Variants in ERCC6L2 observed in about 807,000 individuals in gnomAD.
ERCC6L2 encodes ERCC excision repair 6 like 2.
Under a neutral mutation model 132.0 loss-of-function variants are expected in ERCC6L2, and 77 were observed. The observed-to-expected ratio is 0.58, with a 90% CI of 0.49 to 0.71. The LOEUF (loss-of-function observed/expected upper bound fraction) is 0.71, where lower values mean the gene tolerates loss of function less well. ERCC6L2 is among the 30% of genes least tolerant of loss of function. The probability of loss-of-function intolerance (pLI) is 0.00; values close to 1 mark genes in which losing one functional copy is unlikely to be tolerated. For missense variants in ERCC6L2, 1,542 were observed against 1,837.6 expected, an observed-to-expected ratio of 0.84 and a Z score of 2.94; for synonymous variants, 583 against 632.4, an observed-to-expected ratio of 0.92 and a Z score of 1.17.
chr9:95,876,199 C>T (rs1276213427), intron 1 of ERCC6L2, 115 bp downstream of exon 1: 5 of 955,076 alleles, frequency 5.2e-6, no homozygotes, highest in African/African-American at 3.3e-5. Flanking sequence ...TCTTCAGTGA[C>T]AGCTGCAGAT....
chr9:95,922,465 AT>A, intron 8 of ERCC6L2, 47 bp downstream of exon 8: 1 of 1,120,980 alleles, frequency 8.9e-7, no homozygotes, highest in Non-Finnish European at 1.3e-6. Context: ...TGTTGTGAAT[AT>A]TTTATAAAGT....
intron 12 of ERCC6L2, among the ~76,000 whole-genome samples, chr9:95,952,171 A>AAAAAAAAAAAT (rs1005841095): frequency 1.3e-5 from 2 of 148,970 alleles, no homozygotes; most frequent in African/African-American, 4.9e-5. Context: ...CATCTTAAAA[A>AAAAAAAAAAAT]AAAAAAAAAA....
At chr9:96,018,674 T>TG (rs1186873556), downstream of ERCC6L2, among the ~76,000 whole-genome samples, 3 of 151,948 alleles carry the variant, frequency 2.0e-5, no homozygotes, top group Non-Finnish European at 4.4e-5. Flanking sequence ...TTCGCCATGT[T>TG]GCCCAGGTCT....
intron 19 of ERCC6L2, among the ~76,000 whole-genome samples, chr9:96,029,114 C>A (rs1017069955): frequency 6.6e-6 from 1 of 151,824 alleles, no homozygotes; most frequent in Non-Finnish European, 1.5e-5. Context: ...ACCATCCTGG[C>A]TAACATGGTG....
chr9:95,966,149 A>AT (rs1293563350), intron 13 of ERCC6L2, among the ~76,000 whole-genome samples: 2 of 152,170 alleles, frequency 1.3e-5, no homozygotes, highest in Non-Finnish European at 2.9e-5. Flanking sequence ...GGTGGTTATC[A>AT]TATCATTACT....
chr9:95,935,670 G>A (rs1299886900), intron 11 of ERCC6L2, among the ~76,000 whole-genome samples: 1 of 152,108 alleles, frequency 6.6e-6, no homozygotes, highest in Non-Finnish European at 1.5e-5. Context: ...AAAATTGTAT[G>A]AAAGCAACTT....
At chr9:95,985,911 C>T (rs986208788) in intron 17 of ERCC6L2, among the ~76,000 whole-genome samples, 4 of 152,322 alleles carry the variant, frequency 2.6e-5, no homozygotes, top group East Asian at 1.9e-4. Flanking sequence ...ACCAGGGATA[C>T]GAAGATGAAC....
chr9:96,031,842 C>T (rs1408485756), intron 19 of ERCC6L2, among the ~76,000 whole-genome samples: 7 of 152,196 alleles, frequency 4.6e-5, no homozygotes, highest in Non-Finnish European at 4.4e-5. Context: ...GGTCTGGAAG[C>T]CCTCCTGCTT....
intron 11 of ERCC6L2, among the ~76,000 whole-genome samples, chr9:95,933,270 A>G (rs1830418239): frequency 6.6e-6 from 1 of 152,090 alleles, no homozygotes. Context: ...AATTCCACCC[A>G]ATCCCCTAAC....
intron 3 of ERCC6L2, 82 bp downstream of exon 3, chr9:95,898,053 A>G (rs1447545386): frequency 3.2e-6 from 4 of 1,253,818 alleles, no homozygotes; most frequent in Admixed American, 2.4e-5. Flanking sequence ...ATCACACATT[A>G]AAATGTATTG....
chr9:95,961,521 A>G (rs1433576364), intron 13 of ERCC6L2, among the ~76,000 whole-genome samples: 1 of 152,206 alleles, frequency 6.6e-6, no homozygotes, highest in African/African-American at 2.4e-5. Context: ...TCCAATTTGT[A>G]GTACTTTGTT....
rs561298048 is a variant in ERCC6L2, at chr9:95,955,903, T to C, written c.1848-11T>C. ...ACTTGATTTTTGTTTGTATTTTTAA[T>C]CCTTTTACAGAGCATATAGGATTGG... On this transcript the variant is annotated splice_polypyrimidine_tract_variant and intron_variant, in intron 12 of 18. Transcript: ENST00000653738. The C allele has an allele frequency of 1.2e-5, 18 of 1,519,770 alleles. No individual in the cohort carries two copies. Among genetic ancestry groups the C allele is most frequent in the Non-Finnish European group, 1.6e-5 (18 of 1,128,980 alleles). 94.1% of individuals were successfully genotyped at this position (1,519,770 alleles called of 1,614,324 possible). A position where few individuals can be genotyped will look rare whatever the true frequency, so the allele number is the denominator to read the frequency against.
At chr9:95,914,788 C>G (rs1184581025) in intron 4 of ERCC6L2, among the ~76,000 whole-genome samples, 1 of 152,134 alleles carries the variant, frequency 6.6e-6, no homozygotes, top group Non-Finnish European at 1.5e-5. Context: ...TTGATGAAGT[C>G]CAACTTATCA....
rs545997904 is a variant in ERCC6L2, at chr9:95,973,468, G to A, written c.3337+380G>A. Among the ~76,000 whole-genome samples, 8 of 152,252 alleles carry A rather than the reference G, an allele frequency of 5.3e-5. No homozygotes were observed. In the East Asian group the frequency reaches 1.5e-3, roughly 29 times the overall value. ...AGACATACTTGAGACTGAAGAAAAA[G>A]GGGTTTAATGGATTCACAGTTCCAC... On this transcript the variant is annotated intron_variant, in intron 16 of 18. Coordinates refer to ENST00000653738, the MANE Select transcript of ERCC6L2 (RefSeq NM_020207.7).
chr9:95,991,735 G>T (rs1023667396), intron 17 of ERCC6L2, among the ~76,000 whole-genome samples: 3 of 152,114 alleles, frequency 2.0e-5, no homozygotes, highest in Non-Finnish European at 4.4e-5. Context: ...TTGTAACGTG[G>T]TATAATTAAA....
In ERCC6L2 at chr9:95,882,009, C is replaced by T. The variant is rs149745868; in HGVS notation, c.471+716C>T. ...TCTCAAGGTGACTGGGGAAGATTCA[C>T]TTCCTAGCCCACCTGTTTGTTGGCA... On this transcript the variant is annotated intron_variant, in intron 2 of 18. Transcript: ENST00000653738. Among the ~76,000 whole-genome samples the T allele has an allele frequency of 5.1e-3, 772 of 152,326 alleles. 10 individuals are homozygous for T. The highest frequency in any genetic ancestry group is 0.017 in the African/African-American group (690 of 41,578).
intron 14 of ERCC6L2, chr9:95,967,836 CT>C (rs1215006956): frequency 6.6e-6 from 1 of 152,052 alleles, no homozygotes; most frequent in Non-Finnish European, 1.5e-5. Flanking sequence ...ATATCAATAA[CT>C]TTGTTTGCCC....
intron 17 of ERCC6L2, among the ~76,000 whole-genome samples, chr9:95,987,316 C>T (rs1307660623): frequency 6.6e-6 from 1 of 152,204 alleles, no homozygotes; most frequent in Non-Finnish European, 1.5e-5. Context: ...TCATTTGAGA[C>T]AAGGCAAGTC....
chr9:95,926,767 A>G (rs1830120051), intron 9 of ERCC6L2, among the ~76,000 whole-genome samples: 1 of 152,122 alleles, frequency 6.6e-6, no homozygotes, highest in Non-Finnish European at 1.5e-5. Context: ...ACCCTAATGT[A>G]AATTATGGAC....
Sources: allele counts gnomAD v4.1 joint callset (sites outside exome capture counted in the v4.1 genomes callset), GRCh38; gene constraint gnomAD v4.1.1; transcripts MANE v1.5; gene names NCBI Gene and HGNC (gene_info 2026-07-23, HGNC 2026-07-21).